The following ZNF676 variants were observed in gnomAD, a reference collection of about 807,000 sequenced individuals.
ZNF676 encodes zinc finger protein 676.
A neutral mutation model predicts 6.0 loss-of-function variants in ZNF676; 4 were observed. The observed-to-expected ratio is 0.67, with a 90% confidence interval of 0.33 to 1.53. The LOEUF (loss-of-function observed/expected upper bound fraction) is 1.53. Among genes scored for constraint, ZNF676 ranks in the 40% most tolerant of loss-of-function variants. The probability of loss-of-function intolerance (pLI) is 0.06; values close to 1 mark genes in which losing one functional copy is unlikely to be tolerated. For missense variants in ZNF676, 644 were observed against 679.7 expected (o/e 0.95, Z 0.58); for synonymous variants, 198 against 223.1 (o/e 0.89, Z 1.00).
chr19:22,235,670 G>A, the ZNF676 span, among the ~76,000 whole-genome samples: 47,739 of 151,912 alleles, frequency 0.31, 7,823 homozygotes, highest in South Asian at 0.42. Context: ...CACTGGATTC[G>A]ATCAGCATAA....
chr19:22,179,960 T>C lies in ZNF676; in HGVS notation c.1757A>G (p.Glu586Gly). 6 of 1,613,194 alleles carry C rather than the reference T, an allele frequency of 3.7e-6. No homozygotes were observed. Among genetic ancestry groups the C allele is most frequent in the Non-Finnish European group, 5.1e-6 (6 of 1,179,600 alleles). ...ACATTCTTCACATTTTTAGGGATTC[T>C]CTCCAGTATGAATTTTCTTATGATA... is the stretch of plus-strand genomic sequence containing the variant. ...VSYHKKIHTG[E>G]NP The change falls in exon 3 of 3, where the codon GAG becomes GGG. Residue 586 changes from glutamate (E) to glycine (G), a missense_variant. By Grantham distance (98) the Glu-to-Gly change is moderately conservative (BLOSUM62 -2). Transcript: ENST00000397121.
intron 2 of ZNF676, among the ~76,000 whole-genome samples, chr19:22,186,214 G>A (rs1027510830): frequency 5.6e-4 from 85 of 152,278 alleles, no homozygotes; most frequent in African/African-American, 2.0e-3. Flanking sequence ...AGAAGACTGG[G>A]GGGCCAATAT....
At chr19:22,225,034 T>C in the ZNF676 span, among the ~76,000 whole-genome samples, 14 of 152,242 alleles carry the variant, frequency 9.2e-5, no homozygotes, top group South Asian at 2.7e-3. Context: ...TTAAAGTATA[T>C]TCACCTGGTT....
chr19:22,183,123 AT>A (rs2023784353), intron 2 of ZNF676, among the ~76,000 whole-genome samples: 1 of 152,248 alleles, frequency 6.6e-6, no homozygotes, highest in African/African-American at 2.4e-5. Flanking sequence ...ACACAAAAAA[AT>A]CTGTATACAT....
At chr19:22,225,263 G>T in the ZNF676 span, among the ~76,000 whole-genome samples, 1 of 152,086 alleles carries the variant, frequency 6.6e-6, no homozygotes, top group African/African-American at 2.4e-5. Flanking sequence ...TATTTTCAAA[G>T]TTTATCTTAA....
the ZNF676 span, among the ~76,000 whole-genome samples, chr19:22,228,620 C>G: frequency 1.2e-4 from 18 of 152,094 alleles, no homozygotes; most frequent in Non-Finnish European, 2.2e-4. Flanking sequence ...CATCTCCGCC[C>G]CAAATCTCCT....
chr19:22,222,539 A>T, the ZNF676 span, among the ~76,000 whole-genome samples: 1 of 152,108 alleles, frequency 6.6e-6, no homozygotes, highest in Non-Finnish European at 1.5e-5. Flanking sequence ...ATGTACTTCC[A>T]GGTTTATGTT....
chr19:22,245,308 A>C, the ZNF676 span: 1 of 152,158 alleles, frequency 6.6e-6, no homozygotes, highest in Non-Finnish European at 1.5e-5. Flanking sequence ...ACAAGGCAGA[A>C]GAATTACATC....
chr19:22,192,972 C>CT (rs1247752817), intron 2 of ZNF676, 44 bp downstream of exon 2: 3 of 1,568,660 alleles, frequency 1.9e-6, no homozygotes, highest in Non-Finnish European at 2.6e-6. Flanking sequence ...TCCTCATTGA[C>CT]TTTGGACTTC....
chr19:22,202,708 C>T (rs1484096515), intron 1 of ZNF676, among the ~76,000 whole-genome samples: 2 of 152,192 alleles, frequency 1.3e-5, no homozygotes, highest in Non-Finnish European at 2.9e-5. Context: ...AATTCATCTA[C>T]AAGTAGAATT....
chr19:22,254,451 C>T, the ZNF676 span, among the ~76,000 whole-genome samples: 1 of 152,146 alleles, frequency 6.6e-6, no homozygotes, highest in East Asian at 1.9e-4. Context: ...GCCTCCCACC[C>T]TGAAGGAATG....
At chr19:22,234,267 T>C in the ZNF676 span, among the ~76,000 whole-genome samples, 3 of 152,210 alleles carry the variant, frequency 2.0e-5, no homozygotes, top group Admixed American at 1.3e-4. Context: ...TTTCTTCCTC[T>C]GTCAAATGAT....
At chr19:22,198,227 G>A (rs1386582305), upstream of ZNF676, among the ~76,000 whole-genome samples, 1 of 152,100 alleles carries the variant, frequency 6.6e-6, no homozygotes, top group African/African-American at 2.4e-5. Context: ...ACTTTCCCAT[G>A]TTCAACAGCC....
chr19:22,241,859 C>A, the ZNF676 span, among the ~76,000 whole-genome samples: 2 of 151,870 alleles, frequency 1.3e-5, no homozygotes, highest in Admixed American at 1.3e-4. Flanking sequence ...ACAATTCCAA[C>A]TGTAAGCTGC....
At chr19:22,209,913 C>T (rs188272679) in intron 1 of ZNF676, among the ~76,000 whole-genome samples, 11 of 152,260 alleles carry the variant, frequency 7.2e-5, no homozygotes, top group Admixed American at 1.3e-4. Flanking sequence ...ATCAAAAATG[C>T]TGTGGTAAAA....
the ZNF676 span, among the ~76,000 whole-genome samples, chr19:22,241,135 T>C: frequency 2.6e-5 from 4 of 151,894 alleles, no homozygotes; most frequent in Non-Finnish European, 5.9e-5. Flanking sequence ...TGATACGTCA[T>C]AATCCCTACT....
the ZNF676 span, among the ~76,000 whole-genome samples, chr19:22,235,901 C>T: frequency 2.0e-5 from 3 of 150,818 alleles, no homozygotes; most frequent in African/African-American, 7.3e-5. Context: ...GTCTGCATAC[C>T]AGGTACCAGG....
the ZNF676 span, among the ~76,000 whole-genome samples, chr19:22,243,026 G>A: frequency 5.9e-5 from 9 of 151,796 alleles, no homozygotes; most frequent in Admixed American, 2.0e-4. Context: ...GCATGTCTGT[G>A]GTAAGCCCAG....
upstream of ZNF676, among the ~76,000 whole-genome samples, chr19:22,219,415 T>C (rs1177199413): frequency 2.6e-5 from 4 of 151,996 alleles, no homozygotes. Flanking sequence ...GCTTTTTTAG[T>C]TGAGTTTTAG....
Sources: gnomAD v4.1 joint callset for allele counts (sites outside exome capture counted in the v4.1 genomes callset) on GRCh38, gnomAD v4.1.1 for gene constraint, MANE v1.5 for transcripts, NCBI Gene and HGNC (gene_info 2026-07-23, HGNC 2026-07-21) for gene names.